OPRM1: variants seen among roughly 807,000 people sequenced by gnomAD.
OPRM1 encodes mu-type opioid receptor.
A neutral mutation model predicts 31.8 loss-of-function variants in OPRM1; 27 were observed. The ratio of observed to expected loss-of-function variants is 0.85; its 90% CI spans 0.63 to 1.17. The LOEUF (loss-of-function observed/expected upper bound fraction) is 1.17, where lower values mean the gene tolerates loss of function less well. Ranked by LOEUF, OPRM1 falls within the 50% of genes most tolerant of loss-of-function variation. The pLI is 0.00. For synonymous variants in OPRM1, 196 were observed against 189.9 expected (o/e 1.03, Z -0.26); for missense variants, 536 against 511.1 (o/e 1.05, Z -0.47).
chr6:154,149,227 A>C lies in OPRM1; in HGVS notation c.1164+57755A>C, dbSNP rs551465985. Among the ~76,000 whole-genome samples the C allele has an allele frequency of 2.6e-5, 4 of 152,264 alleles. No individual in the cohort carries two copies. In the South Asian group the frequency reaches 8.3e-4, roughly 32 times the overall value. ...AACAATCGTGGTAGAAGGGGAAGAA[A>C]ACACATCCTTCTTTACATGGCAGCA... On this transcript the variant is annotated intron_variant, in intron 3 of 3. Coordinates refer to the OPRM1 transcript ENST00000337049.
At chr6:154,087,937 C>T (rs968718046) in intron 1 of OPRM1, 1 of 151,946 alleles carries the variant, frequency 6.6e-6, no homozygotes, top group African/African-American at 2.4e-5. Context: ...TTTCTGCAGG[C>T]CTTGAAAACA....
At chr6:154,010,819 A>G in exon 1 of OPRM1, 1 of 1,383,340 alleles carries the variant, frequency 7.2e-7, no homozygotes, top group Non-Finnish European at 9.4e-7. Context: ...ATGATAGAAA[A>G]GGGCTCCTGC....
Position 154,039,583 on chromosome 6 carries a change from C to T in OPRM1, c.39C>T (p.Cys13=), listed in dbSNP as rs200776506. Residue 13 remains cysteine, a synonymous_variant, in exon 1 of 4, where the codon TGC becomes TGT. Coordinates refer to ENST00000330432, the MANE Select transcript of OPRM1 (RefSeq NM_000914.5). The part of the protein sequence containing the change: ...SSAAPTNASN[C]TDALAYSSCS... ...CTGCCCCCACGAACGCCAGCAATTG[C>T]ACTGATGCCTTGGCGTACTCAAGTT... 1 of 1,613,738 alleles carries T rather than the reference C, an allele frequency of 6.2e-7. No homozygotes were observed.
At chr6:154,011,690 G>A (rs1004664069) in intron 1 of OPRM1, among the ~76,000 whole-genome samples, 4 of 152,082 alleles carry the variant, frequency 2.6e-5, no homozygotes, top group African/African-American at 2.4e-5. Flanking sequence ...TTTGTGTGTA[G>A]ACTATTTTAG....
chr6:154,209,137 T>C (rs1272404382), intron 3 of OPRM1, among the ~76,000 whole-genome samples: 1 of 152,246 alleles, frequency 6.6e-6, no homozygotes, highest in Non-Finnish European at 1.5e-5. Context: ...ATGATTAGAC[T>C]GAATTAAATA....
chr6:154,245,906 A>T (rs1183942886), intron 3 of OPRM1, among the ~76,000 whole-genome samples: 2 of 152,256 alleles, frequency 1.3e-5, no homozygotes, highest in East Asian at 1.9e-4. Context: ...AGCCATTTTC[A>T]AAAGAAAACT....
chr6:154,061,972 A>G (rs149923700), intron 1 of OPRM1, among the ~76,000 whole-genome samples: 4 of 152,348 alleles, frequency 2.6e-5, no homozygotes, highest in East Asian at 3.9e-4. Flanking sequence ...GCTTTAATAC[A>G]TAAAGCTCAA....
Position 154,208,692 on chromosome 6 carries a change from A to C in OPRM1, c.1165-38001A>C, listed in dbSNP as rs536061451. On this transcript the variant is annotated intron_variant, in intron 3 of 3. Transcript: ENST00000337049. ...TGATGCTTTTTTAAAATTAAACTTG[A>C]AGGAAAAATACCTGGAGTAAATTTT... Among the ~76,000 whole-genome samples, 6 of 152,330 alleles carry C rather than the reference A, an allele frequency of 3.9e-5. No homozygotes were observed. The East Asian group carries it at 9.6e-4, about 24-fold the overall frequency.
At chr6:154,088,866 G>C (rs1333608729) in intron 1 of OPRM1, among the ~76,000 whole-genome samples, 1 of 152,140 alleles carries the variant, frequency 6.6e-6, no homozygotes, top group Non-Finnish European at 1.5e-5. Flanking sequence ...GAATGTGCTT[G>C]ACACACACAT....
At chr6:154,222,984 G>T in intron 3 of OPRM1, 1 of 605,600 alleles carries the variant, frequency 1.7e-6, no homozygotes, top group East Asian at 2.8e-5. Flanking sequence ...TCCACAAAAC[G>T]AAATTCCAGA....
intron 3 of OPRM1, among the ~76,000 whole-genome samples, chr6:154,188,827 T>TAA (rs1801611059): frequency 6.6e-6 from 1 of 152,190 alleles, no homozygotes. Flanking sequence ...TAAGATGATA[T>TAA]TGTATCTCAT....
At chr6:154,160,332 A>G (rs982507115) in intron 3 of OPRM1, among the ~76,000 whole-genome samples, 4 of 152,212 alleles carry the variant, frequency 2.6e-5, no homozygotes, top group Admixed American at 2.6e-4. Flanking sequence ...CACCACAGTA[A>G]CAATTCTACC....
At chr6:154,209,968 A>G in intron 3 of OPRM1, among the ~76,000 whole-genome samples, 1 of 152,244 alleles carries the variant, frequency 6.6e-6, no homozygotes, top group East Asian at 1.9e-4. Context: ...AAATTTAAAG[A>G]TACTTCTGAG....
intron 3 of OPRM1, among the ~76,000 whole-genome samples, chr6:154,100,033 T>TCATATGATATA (rs1302914209): frequency 1.3e-5 from 1 of 78,284 alleles, no homozygotes; most frequent in Non-Finnish European, 2.7e-5. Flanking sequence ...ATATTATATA[T>TCATATGATATA]TATCATATGA....
intron 3 of OPRM1, among the ~76,000 whole-genome samples, chr6:154,117,902 A>T (rs1215131172): frequency 2.3e-5 from 3 of 130,922 alleles, no homozygotes; most frequent in African/African-American, 8.3e-5. Context: ...AGAGAGAAAA[A>T]AAGAGAGAAA....
At chr6:154,100,101 ATATATATATTATATATTAT>A (rs1291871042) in intron 3 of OPRM1, among the ~76,000 whole-genome samples, 4,780 of 70,052 alleles carry the variant, frequency 0.068, 895 homozygotes, top group South Asian at 0.21. Flanking sequence ...TCATATTATG[ATATATATATTATATATTAT>A]CATATTATGA....
chr6:154,188,306 T>G (rs1352496495), intron 3 of OPRM1, among the ~76,000 whole-genome samples: 1 of 152,226 alleles, frequency 6.6e-6, no homozygotes, highest in South Asian at 2.1e-4. Flanking sequence ...TGTTCAAGAC[T>G]TTTCATAGAA....
At chr6:154,161,712 A>C (rs1486328947) in intron 3 of OPRM1, among the ~76,000 whole-genome samples, 2 of 152,198 alleles carry the variant, frequency 1.3e-5, no homozygotes, top group Non-Finnish European at 2.9e-5. Context: ...AAGCTTAAAG[A>C]AGATGACAAG....
chr6:154,097,158 G>T lies in OPRM1; in HGVS notation c.1164+5686G>T, dbSNP rs533900890. The stretch of plus-strand genomic sequence containing the variant: ...TCTTACAGGAAAAAGCAATATAATA[G>T]TGATAAAGTGAACGTCGTGGCATGT... On this transcript the variant is annotated intron_variant, in intron 3 of 3. Coordinates refer to ENST00000330432, the MANE Select transcript of OPRM1 (RefSeq NM_000914.5). 4.6e-5 allele frequency among the ~76,000 whole-genome samples: 7 copies of T among 152,310 alleles called. No homozygotes were observed. In the South Asian group the frequency reaches 1.4e-3, roughly 32 times the overall value.
Sources: gnomAD v4.1 joint callset for allele counts (sites outside exome capture counted in the v4.1 genomes callset) on GRCh38, gnomAD v4.1.1 for gene constraint, MANE v1.5 for transcripts, NCBI Gene and HGNC (gene_info 2026-07-23, HGNC 2026-07-21) for gene names.